PRKCE: variants seen among roughly 807,000 people sequenced by gnomAD.
PRKCE encodes protein kinase C epsilon type.
A neutral mutation model predicts 85.4 loss-of-function variants in PRKCE; 16 were observed. The ratio of observed to expected loss-of-function variants is 0.19; its 90% CI spans 0.13 to 0.28. The LOEUF is 0.28. Ranked by LOEUF, PRKCE falls within the 10% of genes least tolerant of loss-of-function variation. The pLI is 1.00. For synonymous variants in PRKCE, 388 were observed against 371.5 expected (o/e 1.04, Z -0.51); for missense variants, 573 against 975.2 (o/e 0.59, Z 5.49).
chr2:45,985,300 C>G (rs1703224386), intron 6 of PRKCE, among the ~76,000 whole-genome samples: 1 of 152,156 alleles, frequency 6.6e-6, no homozygotes, highest in Admixed American at 6.5e-5. Flanking sequence ...CCTGCCGTGC[C>G]ACCCGCAAAC....
intron 11 of PRKCE, among the ~76,000 whole-genome samples, chr2:46,116,937 T>C (rs960137980): frequency 6.6e-6 from 1 of 152,150 alleles, no homozygotes; most frequent in African/African-American, 2.4e-5. Context: ...TGGTTTCTCT[T>C]GCTATTGTTT....
chr2:46,082,710 A>G (rs1669210639), intron 10 of PRKCE, among the ~76,000 whole-genome samples: 1 of 152,204 alleles, frequency 6.6e-6, no homozygotes, highest in South Asian at 2.1e-4. Flanking sequence ...AGGCAGAGAA[A>G]ACCCTGCCAG....
At chr2:46,006,150 T>C (rs922183028) in intron 8 of PRKCE, among the ~76,000 whole-genome samples, 1 of 152,214 alleles carries the variant, frequency 6.6e-6, no homozygotes, top group Non-Finnish European at 1.5e-5. Flanking sequence ...CAGATGTCCC[T>C]CTGAGCGACA....
At chr2:45,827,062 C>T (rs1689998775) in intron 1 of PRKCE, among the ~76,000 whole-genome samples, 1 of 152,238 alleles carries the variant, frequency 6.6e-6, no homozygotes, top group African/African-American at 2.4e-5. Flanking sequence ...TCCCATCTCA[C>T]TCACGGCCAA....
rs576003888 is a variant in PRKCE, at chr2:45,905,908, G to T, written c.412+62845G>T. Among the ~76,000 whole-genome samples, 2 of 152,336 alleles carry T rather than the reference G, an allele frequency of 1.3e-5. No individual in the cohort carries two copies. Among genetic ancestry groups the T allele is most frequent in the African/African-American group, 4.8e-5 (2 of 41,576 alleles). Reference sequence around the variant, plus strand: ...CAAGAGGTTCCCTGGGAGGAAGGATGTGCTTGTGCGGGGTATGGTGTCTGC... The same window carrying T: ...CAAGAGGTTCCCTGGGAGGAAGGATTTGCTTGTGCGGGGTATGGTGTCTGC... On this transcript the variant is annotated intron_variant, in intron 2 of 14. Transcript: ENST00000306156. The surrounding 1 kb of genome is among the most constrained non-coding windows in gnomAD (Gnocchi z 4.4).
intron 2 of PRKCE, among the ~76,000 whole-genome samples, chr2:45,944,401 A>T (rs1214505482): frequency 6.6e-6 from 1 of 152,196 alleles, no homozygotes; most frequent in South Asian, 2.1e-4. Flanking sequence ...AGTGATGGCT[A>T]TGCTGGTATA....
At chr2:45,857,663 T>G (rs2105616385) in intron 2 of PRKCE, among the ~76,000 whole-genome samples, 1 of 152,344 alleles carries the variant, frequency 6.6e-6, no homozygotes, top group Admixed American at 6.5e-5. Flanking sequence ...TCTGCCTGCC[T>G]TGGCCTCCCA....
chr2:46,061,565 C>G (rs1667126960), intron 10 of PRKCE, among the ~76,000 whole-genome samples: 1 of 152,066 alleles, frequency 6.6e-6, no homozygotes. Flanking sequence ...TAATAGAATC[C>G]TTCCTTAATA....
chr2:45,741,629 ACGTTTTGGG>A, intron 1 of PRKCE, among the ~76,000 whole-genome samples: 2 of 149,024 alleles, frequency 1.3e-5, no homozygotes, highest in African/African-American at 2.6e-5. Flanking sequence ...GGGCATGTGC[ACGTTTTGGG>A]CATGTGCAAG....
At chr2:45,917,906 C>T (rs1275487081) in intron 2 of PRKCE, among the ~76,000 whole-genome samples, 8 of 120,254 alleles carry the variant, frequency 6.7e-5, no homozygotes, top group Non-Finnish European at 1.3e-4. Flanking sequence ...TCCGCAGCCG[C>T]TGGCCCGGTG....
At chr2:45,868,721 G>A (rs1035740592) in intron 2 of PRKCE, among the ~76,000 whole-genome samples, 2 of 148,002 alleles carry the variant, frequency 1.4e-5, no homozygotes, top group African/African-American at 4.9e-5. Context: ...CGGATCGTCT[G>A]AGGTCAGGAG....
chr2:45,873,331 G>C (rs1694234377), intron 2 of PRKCE, among the ~76,000 whole-genome samples: 1 of 152,154 alleles, frequency 6.6e-6, no homozygotes, highest in African/African-American at 2.4e-5. Context: ...GGCAACATCA[G>C]TAGACTTGTC....
At chr2:46,120,911 T>C (rs187318831) in intron 11 of PRKCE, among the ~76,000 whole-genome samples, 2 of 152,320 alleles carry the variant, frequency 1.3e-5, no homozygotes, top group Admixed American at 1.3e-4. Flanking sequence ...GATGTATTAA[T>C]ATCAGTTTTC....
At chr2:45,789,892 GA>G (rs1351927499) in intron 1 of PRKCE, among the ~76,000 whole-genome samples, 3 of 152,180 alleles carry the variant, frequency 2.0e-5, no homozygotes, top group African/African-American at 7.2e-5. Flanking sequence ...TGTGTCTTTA[GA>G]TTAGCTTTAC....
At chr2:45,734,085 G>C (rs997613554) in intron 1 of PRKCE, among the ~76,000 whole-genome samples, 1 of 152,210 alleles carries the variant, frequency 6.6e-6, no homozygotes, top group African/African-American at 2.4e-5. Context: ...TTAAACCCTG[G>C]GCTGGGTGCG....
intron 1 of PRKCE, among the ~76,000 whole-genome samples, chr2:45,799,495 G>A (rs907964905): frequency 1.3e-5 from 2 of 152,090 alleles, no homozygotes; most frequent in African/African-American, 2.4e-5. Flanking sequence ...GGAGGCTGTT[G>A]TGCACGATGA....
At chr2:46,063,022 A>G (rs1367360664) in intron 10 of PRKCE, among the ~76,000 whole-genome samples, 1 of 152,260 alleles carries the variant, frequency 6.6e-6, no homozygotes, top group African/African-American at 2.4e-5. Context: ...AAATCACGAA[A>G]GAAAGCAGAG....
intron 1 of PRKCE, among the ~76,000 whole-genome samples, chr2:45,730,704 C>A (rs1038617081): frequency 6.6e-6 from 1 of 152,124 alleles, no homozygotes; most frequent in Admixed American, 6.5e-5. Flanking sequence ...AAGCTATCTA[C>A]CCGCCTCAGC....
At chr2:45,983,247 G>A (rs1385173701) in intron 5 of PRKCE, among the ~76,000 whole-genome samples, 3 of 152,248 alleles carry the variant, frequency 2.0e-5, no homozygotes, top group African/African-American at 7.2e-5. Flanking sequence ...CGTTCAAGTC[G>A]AGCTCCCTTT....
Sources: gnomAD v4.1 joint callset for allele counts (sites outside exome capture counted in the v4.1 genomes callset) on GRCh38, gnomAD v4.1.1 for gene constraint, Gnocchi (gnomAD v3.1) non-coding constraint, MANE v1.5 for transcripts, NCBI Gene and HGNC (gene_info 2026-07-23, HGNC 2026-07-21) for gene names.